IMMP2L: variants seen among roughly 807,000 people sequenced by gnomAD.
The protein encoded by IMMP2L is mitochondrial inner membrane protease subunit 2.
In IMMP2L, 18 loss-of-function variants were observed where a neutral mutation model predicts 19.3. The ratio of observed to expected loss-of-function variants is 0.93; its 90% CI spans 0.64 to 1.38. IMMP2L has a LOEUF of 1.38. Ranked by LOEUF, IMMP2L falls within the 40% of genes most tolerant of loss-of-function variation. The probability of loss-of-function intolerance (pLI) is 0.00; values close to 1 mark genes in which losing one functional copy is unlikely to be tolerated. For missense variants in IMMP2L, 233 were observed against 218.2 expected (o/e 1.07, Z -0.43); for synonymous variants, 76 against 73.0 (o/e 1.04, Z -0.21).
At chr7:111,386,310 A>G (rs887970280) in intron 3 of IMMP2L, among the ~76,000 whole-genome samples, 6 of 152,192 alleles carry the variant, frequency 3.9e-5, no homozygotes. Flanking sequence ...TGCTCTTTTT[A>G]GACTCATACA....
intron 3 of IMMP2L, among the ~76,000 whole-genome samples, chr7:111,301,921 TAAAAAA>T (rs59156229): frequency 0.059 from 4,920 of 83,040 alleles, 153 homozygotes; most frequent in African/African-American, 0.1. Context: ...TTTCATGCTT[TAAAAAA>T]AAAAAAAAAA....
At position 111,396,960 on chromosome 7, in the gene IMMP2L, C is replaced by T. The variant is rs1415159926; in HGVS notation, c.239+90278G>A. Among the ~76,000 whole-genome samples the T allele has an allele frequency of 7.9e-5, 12 of 151,894 alleles. 1 individual carries two copies. The highest frequency in any genetic ancestry group is 2.2e-4 in the African/African-American group (9 of 41,344). Reference sequence around the variant, plus strand: ...AAAATTAGCTAGGCATCGTGGCAGGCGCCTGTAATCCCAGCTACTCAGGAG... The same window carrying T: ...AAAATTAGCTAGGCATCGTGGCAGGTGCCTGTAATCCCAGCTACTCAGGAG... On this transcript the variant is annotated intron_variant, in intron 3 of 5. Transcript: ENST00000405709.
chr7:111,544,379 A>G (rs1174105870), intron 1 of IMMP2L, among the ~76,000 whole-genome samples: 1 of 152,124 alleles, frequency 6.6e-6, no homozygotes. Flanking sequence ...CATGTACCCT[A>G]GAACTTAAAG....
intron 3 of IMMP2L, among the ~76,000 whole-genome samples, chr7:111,424,193 G>A (rs1196192575): frequency 6.6e-6 from 1 of 151,816 alleles, no homozygotes; most frequent in Admixed American, 6.6e-5. Flanking sequence ...TGTAGAACCT[G>A]ATTTACGGTA....
intron 3 of IMMP2L, chr7:111,122,915 T>C (rs200594119): frequency 6.2e-7 from 1 of 1,614,110 alleles, no homozygotes; most frequent in African/African-American, 1.3e-5. Flanking sequence ...TCCATTTATA[T>C]GGAAGCATCT....
intron 1 of IMMP2L, among the ~76,000 whole-genome samples, chr7:111,551,666 T>A (rs1452068618): frequency 6.6e-6 from 1 of 151,964 alleles, no homozygotes; most frequent in Admixed American, 6.6e-5. Flanking sequence ...GGCTCAAAGA[T>A]GGTTCTGGCA....
At chr7:110,929,923 A>T (rs1563088630) in intron 4 of IMMP2L, among the ~76,000 whole-genome samples, 2 of 152,190 alleles carry the variant, frequency 1.3e-5, no homozygotes, top group Non-Finnish European at 2.9e-5. Flanking sequence ...TGACCACAAA[A>T]GGAGGTGGTA....
chr7:111,368,463 A>C (rs550999472), intron 3 of IMMP2L, among the ~76,000 whole-genome samples: 1 of 152,118 alleles, frequency 6.6e-6, no homozygotes, highest in Non-Finnish European at 1.5e-5. Flanking sequence ...ATCAATGCAC[A>C]TACCAAAGAC....
intron 1 of IMMP2L, among the ~76,000 whole-genome samples, chr7:111,534,592 T>C (rs1242703566): frequency 2.0e-5 from 3 of 152,188 alleles, no homozygotes; most frequent in Non-Finnish European, 2.9e-5. Flanking sequence ...AGGTATTTAG[T>C]ATCTTTATAT....
intron 3 of IMMP2L, among the ~76,000 whole-genome samples, chr7:111,366,816 T>C (rs542848316): frequency 1.3e-5 from 2 of 152,104 alleles, no homozygotes; most frequent in South Asian, 4.1e-4. Flanking sequence ...ATACATTCAT[T>C]GTCTCTGTAT....
At chr7:110,927,987 T>C (rs991124238) in intron 4 of IMMP2L, among the ~76,000 whole-genome samples, 3 of 152,080 alleles carry the variant, frequency 2.0e-5, no homozygotes, top group African/African-American at 7.2e-5. Flanking sequence ...TTTCCTCTCC[T>C]GTGTTGGGGT....
chr7:110,922,662 C>T (rs1056712183), intron 4 of IMMP2L, among the ~76,000 whole-genome samples: 1 of 152,024 alleles, frequency 6.6e-6, no homozygotes, highest in Non-Finnish European at 1.5e-5. Flanking sequence ...CTCAAGGAAC[C>T]ACAGAGATTA....
At chr7:111,452,079 GA>G (rs1839257375) in intron 3 of IMMP2L, among the ~76,000 whole-genome samples, 1 of 152,090 alleles carries the variant, frequency 6.6e-6, no homozygotes, top group Admixed American at 6.6e-5. Context: ...AGTGATACAT[GA>G]AATACTTTAG....
chr7:110,670,756 A>G (rs939873023), intron 5 of IMMP2L, among the ~76,000 whole-genome samples: 6 of 152,112 alleles, frequency 3.9e-5, no homozygotes, highest in African/African-American at 1.4e-4. Flanking sequence ...AGTCAGGTCC[A>G]TGAAATGTCC....
At chr7:110,701,750 T>C (rs1794305424) in intron 5 of IMMP2L, among the ~76,000 whole-genome samples, 1 of 152,120 alleles carries the variant, frequency 6.6e-6, no homozygotes, top group South Asian at 2.1e-4. Context: ...AATCCCATTT[T>C]AAAGATGAGA....
intron 3 of IMMP2L, among the ~76,000 whole-genome samples, chr7:111,451,112 G>A (rs1252635590): frequency 6.8e-6 from 1 of 146,484 alleles, no homozygotes; most frequent in Admixed American, 6.7e-5. Flanking sequence ...ACTGTTGGTG[G>A]GACTGTAAAC....
At chr7:111,555,469 AAT>A (rs1563353237) in intron 1 of IMMP2L, among the ~76,000 whole-genome samples, 1 of 152,120 alleles carries the variant, frequency 6.6e-6, no homozygotes, top group East Asian at 1.9e-4. Flanking sequence ...CAAAAAAAAA[AAT>A]ATGACAAGCA....
chr7:110,800,260 AT>A (rs1801153264), intron 5 of IMMP2L, among the ~76,000 whole-genome samples: 1 of 152,020 alleles, frequency 6.6e-6, no homozygotes, highest in African/African-American at 2.4e-5. Context: ...AGATACAACA[AT>A]TGGAGTATTA....
chr7:111,090,947 T>A (rs1796795165), intron 3 of IMMP2L: 1 of 152,170 alleles, frequency 6.6e-6, no homozygotes, highest in African/African-American at 2.4e-5. Context: ...TAGGAAAACA[T>A]GCAAGCCTGT....
Sources: gnomAD v4.1 joint callset for allele counts (sites outside exome capture counted in the v4.1 genomes callset) on GRCh38, gnomAD v4.1.1 for gene constraint, MANE v1.5 for transcripts, NCBI Gene and HGNC (gene_info 2026-07-23, HGNC 2026-07-21) for gene names.